The following CNTNAP4 variants were observed in gnomAD, a reference collection of about 807,000 sequenced individuals.
CNTNAP4 encodes the protein contactin associated protein family member 4, also known as contactin-associated protein-like 4.
Under a neutral mutation model 148.4 loss-of-function variants are expected in CNTNAP4, and 98 were observed. That is an observed-to-expected ratio of 0.66 (90% CI 0.56 to 0.78). The LOEUF is 0.78. Ranked by LOEUF, CNTNAP4 falls within the 30% of genes least tolerant of loss-of-function variation. The pLI, the probability that CNTNAP4 is intolerant of heterozygous loss-of-function variation, is 0.00. For synonymous variants in CNTNAP4, 730 were observed against 565.1 expected, an observed-to-expected ratio of 1.29 and a Z score of -4.14; for missense variants, 1,935 against 1,565.6, an observed-to-expected ratio of 1.24 and a Z score of -3.98.
Position 76,521,137 on chromosome 16 carries a change from C to T in CNTNAP4, c.2366-3C>T, listed in dbSNP as rs1376824055. ...TTTTTTCTTTTTTTTTTTCACAAAACAGGATCATTTTGGAATTCAGCTTCC... is the reference window on the plus strand; with the variant it reads ...TTTTTTCTTTTTTTTTTTCACAAAATAGGATCATTTTGGAATTCAGCTTCC... On this transcript the variant is annotated splice_region_variant and splice_polypyrimidine_tract_variant and intron_variant, in intron 15 of 23. Coordinates refer to ENST00000611870, the MANE Select transcript of CNTNAP4 (RefSeq NM_033401.5). The T allele has an allele frequency of 6.5e-7, 1 of 1,540,352 alleles. No individual in the cohort carries two copies.
At position 76,560,369 on chromosome 16, in the gene CNTNAP4, A is replaced by T. The variant is rs1180833386; in HGVS notation, c.*1686A>T. ...TGCAAATGCCTGACTAAATCTTAAG[A>T]ACCTGAATTAACATAGTAGTTTACG... On this transcript the variant is annotated 3_prime_UTR_variant, in exon 24 of 24. Transcript: ENST00000611870. Among the ~76,000 whole-genome samples the T allele has an allele frequency of 6.6e-6, 1 of 152,318 alleles. No individual in the cohort carries two copies. Among genetic ancestry groups the T allele is most frequent in the African/African-American group, 2.4e-5 (1 of 41,574 alleles).
intron 3 of CNTNAP4, among the ~76,000 whole-genome samples, chr16:76,404,100 C>A (rs573135994): frequency 6.6e-6 from 1 of 151,770 alleles, no homozygotes; most frequent in Non-Finnish European, 1.5e-5. Flanking sequence ...GGGTACCAGG[C>A]GTAATACGTG....
chr16:76,382,039 G>C (rs531468986), intron 3 of CNTNAP4, among the ~76,000 whole-genome samples: 2 of 143,308 alleles, frequency 1.4e-5, no homozygotes, highest in South Asian at 2.2e-4. Context: ...CTAGCCTGGG[G>C]GACAGAGCGA....
At chr16:76,520,342 G>A (rs1305768064) in intron 15 of CNTNAP4, among the ~76,000 whole-genome samples, 1 of 152,026 alleles carries the variant, frequency 6.6e-6, no homozygotes, top group South Asian at 2.1e-4. Context: ...TATGAAAAAA[G>A]GAGTGAGAAA....
chr16:76,520,333 A>G (rs1380646570), intron 15 of CNTNAP4, among the ~76,000 whole-genome samples: 16 of 152,210 alleles, frequency 1.1e-4, no homozygotes, highest in Non-Finnish European at 2.4e-4. Context: ...AGTTGTAGAT[A>G]TGAAAAAAGG....
chr16:76,541,547 G>A (rs2084455687), intron 21 of CNTNAP4, among the ~76,000 whole-genome samples: 1 of 152,072 alleles, frequency 6.6e-6, no homozygotes. Flanking sequence ...TCCTACTCTG[G>A]TATTTGACAC....
intron 1 of CNTNAP4, among the ~76,000 whole-genome samples, chr16:76,285,013 G>C (rs1479719366): frequency 6.6e-6 from 1 of 151,944 alleles, no homozygotes; most frequent in Admixed American, 6.6e-5. Flanking sequence ...ACTAACTACA[G>C]TTACATAGTT....
At chr16:76,489,948 T>G (rs1440801821) in intron 13 of CNTNAP4, 65 bp downstream of exon 13, 4 of 1,139,322 alleles carry the variant, frequency 3.5e-6, no homozygotes, top group African/African-American at 1.5e-5. Flanking sequence ...AACTAGCTCC[T>G]GAGAATTTTA....
chr16:76,305,474 C>T (rs560495555), intron 1 of CNTNAP4, among the ~76,000 whole-genome samples: 4 of 151,988 alleles, frequency 2.6e-5, no homozygotes, highest in African/African-American at 9.6e-5. Context: ...TTGAGTGCTA[C>T]GTAATTTATT....
At chr16:76,405,976 G>T (rs938973330) in intron 3 of CNTNAP4, among the ~76,000 whole-genome samples, 2 of 152,024 alleles carry the variant, frequency 1.3e-5, no homozygotes, top group Non-Finnish European at 2.9e-5. Flanking sequence ...ACCACTTTGG[G>T]AGGCAGAAGC....
At chr16:76,327,358 C>G (rs1200355414) in intron 2 of CNTNAP4, among the ~76,000 whole-genome samples, 5 of 152,180 alleles carry the variant, frequency 3.3e-5, no homozygotes, top group Non-Finnish European at 7.3e-5. Context: ...CTAGCTGTAT[C>G]CATGTTGCTG....
intron 10 of CNTNAP4, among the ~76,000 whole-genome samples, chr16:76,469,904 CAGA>C (rs2081305112): frequency 6.6e-6 from 1 of 152,012 alleles, no homozygotes. Flanking sequence ...GTCTTATACT[CAGA>C]AGAAGATGTA....
At chr16:76,342,511 C>T (rs1398931062) in intron 2 of CNTNAP4, among the ~76,000 whole-genome samples, 2 of 120,470 alleles carry the variant, frequency 1.7e-5, no homozygotes, top group African/African-American at 3.3e-5. Context: ...CTTGCTCTGT[C>T]GCCCAGGTTG....
intron 8 of CNTNAP4, among the ~76,000 whole-genome samples, chr16:76,454,898 A>G (rs960821526): frequency 2.0e-5 from 3 of 152,200 alleles, no homozygotes; most frequent in African/African-American, 4.8e-5. Context: ...TACAAATCTT[A>G]TATGTTTGAA....
chr16:76,473,823 C>T (rs1277746075), intron 10 of CNTNAP4, among the ~76,000 whole-genome samples: 2 of 149,484 alleles, frequency 1.3e-5, no homozygotes, highest in Non-Finnish European at 3.0e-5. Flanking sequence ...TGTATATATT[C>T]TTGGCAGGTT....
chr16:76,487,240 C>T (rs1045673131), intron 12 of CNTNAP4, among the ~76,000 whole-genome samples: 2 of 152,188 alleles, frequency 1.3e-5, no homozygotes, highest in African/African-American at 4.8e-5. Context: ...CTAATCTAGA[C>T]AATGTGTTGT....
chr16:76,516,089 C>T (rs1235362923), intron 15 of CNTNAP4, among the ~76,000 whole-genome samples: 3 of 151,820 alleles, frequency 2.0e-5, no homozygotes, highest in South Asian at 2.1e-4. Context: ...CTGTCCCTCC[C>T]CTTGCCCCCC....
intron 11 of CNTNAP4, among the ~76,000 whole-genome samples, chr16:76,478,776 T>C (rs1243284528): frequency 6.6e-6 from 1 of 152,150 alleles, no homozygotes; most frequent in East Asian, 1.9e-4. Flanking sequence ...TTCATACAAG[T>C]ATGTCTTCTG....
At chr16:76,425,008 G>T (rs914479071) in intron 3 of CNTNAP4, among the ~76,000 whole-genome samples, 2 of 152,208 alleles carry the variant, frequency 1.3e-5, no homozygotes, top group African/African-American at 4.8e-5. Context: ...ATAAGATTTG[G>T]TTAGTGCAAT....
Sources: allele counts gnomAD v4.1 joint callset (sites outside exome capture counted in the v4.1 genomes callset), GRCh38; gene constraint gnomAD v4.1.1; transcripts MANE v1.5; gene names NCBI Gene and HGNC (gene_info 2026-07-23, HGNC 2026-07-21).